ZBTB20: variants seen among roughly 807,000 people sequenced by gnomAD.
ZBTB20 encodes the protein zinc finger and BTB domain containing 20, also known as zinc finger and BTB domain-containing protein 20.
In ZBTB20, 9 loss-of-function variants were observed where a neutral mutation model predicts 56.9. The ratio of observed to expected loss-of-function variants is 0.16; its 90% CI spans 0.10 to 0.28. ZBTB20 has a LOEUF of 0.28. ZBTB20 is among the 10% of genes least tolerant of loss of function. The pLI is 1.00. For synonymous variants in ZBTB20, 417 were observed against 420.7 expected (o/e 0.99, Z 0.11); for missense variants, 655 against 1,003.0 (o/e 0.65, Z 4.69).
At chr3:114,529,653 C>T (rs1341467533) in intron 6 of ZBTB20, among the ~76,000 whole-genome samples, 2 of 152,126 alleles carry the variant, frequency 1.3e-5, no homozygotes, top group Non-Finnish European at 2.9e-5. Context: ...GTAGTAAAAG[C>T]AGTTTGATTT....
intron 4 of ZBTB20, among the ~76,000 whole-genome samples, chr3:114,888,020 A>T (rs1355278374): frequency 6.6e-6 from 1 of 151,976 alleles, no homozygotes; most frequent in East Asian, 1.9e-4. Context: ...GATGCCCTCC[A>T]AAAGTGATGC....
At chr3:114,367,936 C>T (rs2082593121) in intron 10 of ZBTB20, among the ~76,000 whole-genome samples, 1 of 152,162 alleles carries the variant, frequency 6.6e-6, no homozygotes, top group Non-Finnish European at 1.5e-5. Flanking sequence ...CAATCTCCTC[C>T]CATAGATCTA....
chr3:114,558,936 T>C (rs562201223), intron 6 of ZBTB20, among the ~76,000 whole-genome samples: 108 of 152,286 alleles, frequency 7.1e-4, no homozygotes, highest in Non-Finnish European at 9.9e-4. Flanking sequence ...CACATCTTCA[T>C]ATGGCTAGTT....
At chr3:115,030,679 C>A (rs760124347) in intron 2 of ZBTB20, among the ~76,000 whole-genome samples, 1 of 151,308 alleles carries the variant, frequency 6.6e-6, no homozygotes, top group East Asian at 1.9e-4. Flanking sequence ...ATTCTGTCCT[C>A]ATTTTCACGT....
At chr3:115,025,110 T>C (rs2080366990) in intron 2 of ZBTB20, among the ~76,000 whole-genome samples, 1 of 151,114 alleles carries the variant, frequency 6.6e-6, no homozygotes, top group Non-Finnish European at 1.5e-5. Context: ...TTCCATCCTC[T>C]GATGGGCCCA....
chr3:115,115,050 A>G (rs966501722), intron 1 of ZBTB20, among the ~76,000 whole-genome samples: 1 of 152,114 alleles, frequency 6.6e-6, no homozygotes, highest in Non-Finnish European at 1.5e-5. Flanking sequence ...TATCATAAAG[A>G]TTCCACTAAA....
chr3:114,758,086 C>T (rs747723165), intron 5 of ZBTB20, among the ~76,000 whole-genome samples: 1 of 152,038 alleles, frequency 6.6e-6, no homozygotes, highest in Non-Finnish European at 1.5e-5. Context: ...AGTTTGTTGT[C>T]GATGAAAGCG....
At chr3:114,919,167 T>A (rs893274804) in intron 3 of ZBTB20, among the ~76,000 whole-genome samples, 1 of 152,026 alleles carries the variant, frequency 6.6e-6, no homozygotes, top group Non-Finnish European at 1.5e-5. Context: ...TATAAAAAGG[T>A]ATAAAATGTT....
intron 4 of ZBTB20, among the ~76,000 whole-genome samples, chr3:114,891,465 T>C (rs1002786543): frequency 6.6e-6 from 1 of 152,236 alleles, no homozygotes. Context: ...CCTTGAAACA[T>C]AGGCATTTGC....
intron 5 of ZBTB20, among the ~76,000 whole-genome samples, chr3:114,716,491 A>G (rs1213962058): frequency 6.6e-6 from 1 of 152,176 alleles, no homozygotes; most frequent in South Asian, 2.1e-4. Context: ...TAGAAACACA[A>G]TAATTTTTGG....
chr3:114,502,325 C>G (rs1007702944), intron 6 of ZBTB20, among the ~76,000 whole-genome samples: 1 of 152,174 alleles, frequency 6.6e-6, no homozygotes, highest in African/African-American at 2.4e-5. Flanking sequence ...AGACATCACC[C>G]TTCCTGGAAA....
intron 4 of ZBTB20, among the ~76,000 whole-genome samples, chr3:114,859,224 C>T (rs1413996330): frequency 6.7e-6 from 1 of 150,124 alleles, no homozygotes; most frequent in African/African-American, 2.5e-5. Context: ...TTCCTCCTTC[C>T]TTCCTTCTTT....
Position 114,750,884 on chromosome 3 carries a change from C to T in ZBTB20, c.-343+50217G>A, listed in dbSNP as rs145040214. Among the ~76,000 whole-genome samples the T allele has an allele frequency of 6.0e-3, 919 of 152,212 alleles. 4 individuals carry two copies. Among genetic ancestry groups the T allele is most frequent in the Non-Finnish European group, 9.3e-3 (629 of 67,998 alleles). On this transcript the variant is annotated intron_variant, in intron 5 of 11. Transcript: ENST00000675478. ...TACTCTTTGAAGCAGAGTGGTATTCCTGCTATTCATTTGCATTGAGGCCAA... is the reference window on the plus strand; with the variant it reads ...TACTCTTTGAAGCAGAGTGGTATTCTTGCTATTCATTTGCATTGAGGCCAA...
At chr3:114,450,959 G>A (rs541911250) in intron 7 of ZBTB20, among the ~76,000 whole-genome samples, 28 of 151,968 alleles carry the variant, frequency 1.8e-4, no homozygotes, top group Non-Finnish European at 3.1e-4. Context: ...TGCCTGTTTC[G>A]TTCCTGGTTG....
chr3:114,751,509 CTTTG>C (rs1354462683), intron 5 of ZBTB20, among the ~76,000 whole-genome samples: 5 of 152,088 alleles, frequency 3.3e-5, no homozygotes, highest in African/African-American at 1.2e-4. Flanking sequence ...GGATAGTTAT[CTTTG>C]TTTGCTATTA....
At chr3:114,788,229 C>A (rs1466260970) in intron 5 of ZBTB20, among the ~76,000 whole-genome samples, 1 of 152,042 alleles carries the variant, frequency 6.6e-6, no homozygotes, top group East Asian at 1.9e-4. Context: ...CCATTTTAAC[C>A]ATTTTTAAGT....
At chr3:115,019,748 G>C (rs2080129030) in intron 2 of ZBTB20, among the ~76,000 whole-genome samples, 1 of 151,180 alleles carries the variant, frequency 6.6e-6, no homozygotes. Flanking sequence ...ACAATAAAGA[G>C]AAGTCTCTTC....
rs11706964 is a variant in ZBTB20 at position 114,332,176 on chromosome 3, C to T, written c.*6829G>A. 0.042 allele frequency: 6,255 copies of T among 150,310 alleles called. 162 individuals are homozygous for T. Among genetic ancestry groups the T allele is most frequent in the South Asian group, 0.066 (313 of 4,756 alleles). The allele number at this position is 150,310 out of a possible 1,614,324, so 9.3% of individuals were successfully genotyped here. On this transcript the variant is annotated 3_prime_UTR_variant, in exon 12 of 12. Coordinates refer to ENST00000675478, the MANE Select transcript of ZBTB20 (RefSeq NM_001348800.3). ...GGTTAGTAGGGACTTTTATACCCAG[C>T]TGGGCATCCCAGAAGCCTGGACTCT...
chr3:114,485,712 C>CTT (rs1577033825), intron 7 of ZBTB20, among the ~76,000 whole-genome samples: 1 of 152,010 alleles, frequency 6.6e-6, no homozygotes, highest in African/African-American at 2.4e-5. Flanking sequence ...GATTTGTGCC[C>CTT]TTATATAAAA....
Sources: gnomAD v4.1 joint callset for allele counts (sites outside exome capture counted in the v4.1 genomes callset) on GRCh38, gnomAD v4.1.1 for gene constraint, MANE v1.5 for transcripts, NCBI Gene and HGNC (gene_info 2026-07-23, HGNC 2026-07-21) for gene names.